The following AUTS2 variants were observed in gnomAD, a reference collection of about 807,000 sequenced individuals.
The protein encoded by AUTS2 is activator of transcription and developmental regulator AUTS2, also known as autism susceptibility gene 2 protein.
A neutral mutation model predicts 112.4 loss-of-function variants in AUTS2; 17 were observed. The observed-to-expected ratio is 0.15, with a 90% CI of 0.10 to 0.23. The LOEUF (loss-of-function observed/expected upper bound fraction) is 0.23. AUTS2 is among the 10% of genes least tolerant of loss of function. AUTS2 has a pLI of 1.00. For synonymous variants in AUTS2, 751 were observed against 702.7 expected, an observed-to-expected ratio of 1.07 and a Z score of -1.09; for missense variants, 1,510 against 1,701.6, an observed-to-expected ratio of 0.89 and a Z score of 1.98.
intron 4 of AUTS2, among the ~76,000 whole-genome samples, chr7:70,349,411 G>A (rs746419790): frequency 6.6e-6 from 1 of 152,170 alleles, no homozygotes; most frequent in Non-Finnish European, 1.5e-5. Context: ...ACATCTTACT[G>A]GATTTGATTA....
At chr7:70,546,764 G>A (rs1357971459) in intron 5 of AUTS2, among the ~76,000 whole-genome samples, 1 of 151,002 alleles carries the variant, frequency 6.6e-6, no homozygotes, top group Non-Finnish European at 1.5e-5. Context: ...GGGCGACAGA[G>A]CGAGACTCTG....
chr7:70,017,751 A>G (rs1800094265), intron 2 of AUTS2, among the ~76,000 whole-genome samples: 1 of 151,832 alleles, frequency 6.6e-6, no homozygotes, highest in Admixed American at 6.6e-5. Context: ...TGTTAGAATT[A>G]AAATCAGAAA....
At chr7:70,147,334 A>C (rs548624746) in intron 4 of AUTS2, among the ~76,000 whole-genome samples, 1 of 152,264 alleles carries the variant, frequency 6.6e-6, no homozygotes, top group Non-Finnish European at 1.5e-5. Flanking sequence ...TCAAAGGTAA[A>C]CCAAAAGAAA....
At chr7:69,891,995 C>T (rs116037085) in intron 1 of AUTS2, among the ~76,000 whole-genome samples, 1,817 of 150,784 alleles carry the variant, frequency 0.012, 35 homozygotes, top group African/African-American at 0.043. Flanking sequence ...GGGTTTCACC[C>T]GTTAGTCAGG....
At chr7:70,716,419 G>A (rs1212042456) in intron 6 of AUTS2, among the ~76,000 whole-genome samples, 1 of 152,032 alleles carries the variant, frequency 6.6e-6, no homozygotes, top group Admixed American at 6.6e-5. Context: ...GGATCACGAG[G>A]TCAGGAGATT....
intron 10 of AUTS2, among the ~76,000 whole-genome samples, chr7:70,770,883 A>C (rs1790293449): frequency 6.6e-6 from 1 of 152,244 alleles, no homozygotes; most frequent in South Asian, 2.1e-4. Context: ...GTGCAACTAG[A>C]ATCCATCTTC....
chr7:69,611,137 C>G (rs1172068513), intron 1 of AUTS2, among the ~76,000 whole-genome samples: 2 of 152,104 alleles, frequency 1.3e-5, no homozygotes, highest in Non-Finnish European at 2.9e-5. Context: ...TTAATTGTAT[C>G]AGATTACTTT....
rs180917224 is a variant in AUTS2, at chr7:70,043,394, C to G, written c.523-74738C>G. 2.7e-4 allele frequency among the ~76,000 whole-genome samples: 41 copies of G among 152,136 alleles called. No homozygotes were observed. The East Asian group carries it at 7.5e-3, about 28-fold the overall frequency. ...TTATGACACAGATTTCATAAGGCTG[C>G]TTCTCCTTTTACAATTATATTTTAT... is the stretch of plus-strand genomic sequence containing the variant. On this transcript the variant is annotated intron_variant, in intron 2 of 18. Coordinates refer to ENST00000342771, the MANE Select transcript of AUTS2 (RefSeq NM_015570.4).
chr7:70,311,904 C>T (rs549356004), intron 4 of AUTS2, among the ~76,000 whole-genome samples: 19 of 152,260 alleles, frequency 1.2e-4, no homozygotes, highest in Middle Eastern at 6.8e-3. Flanking sequence ...TTAGTAGAGA[C>T]GGGGTTTCAC....
intron 2 of AUTS2, among the ~76,000 whole-genome samples, chr7:69,976,699 A>G (rs1798073416): frequency 6.6e-6 from 1 of 152,208 alleles, no homozygotes; most frequent in Non-Finnish European, 1.5e-5. Context: ...TTCTCTAATG[A>G]TTAGTGATGT....
chr7:70,350,562 C>A (rs1050037124), intron 4 of AUTS2, among the ~76,000 whole-genome samples: 9 of 152,064 alleles, frequency 5.9e-5, no homozygotes, highest in Non-Finnish European at 1.0e-4. Context: ...TTCACTATCA[C>A]GAGAGCAGCA....
At chr7:70,713,895 CAAA>C (rs60280924) in intron 6 of AUTS2, among the ~76,000 whole-genome samples, 5 of 143,778 alleles carry the variant, frequency 3.5e-5, no homozygotes, top group East Asian at 2.0e-4. Flanking sequence ...GACTCCGTCT[CAAA>C]AAAAAAAAAA....
At chr7:70,257,528 G>A (rs1786944288) in intron 4 of AUTS2, among the ~76,000 whole-genome samples, 1 of 152,116 alleles carries the variant, frequency 6.6e-6, no homozygotes, top group Non-Finnish European at 1.5e-5. Context: ...ATGTTGGCCA[G>A]GCTGGTCTTG....
At chr7:69,846,451 T>A (rs1373454450) in intron 1 of AUTS2, among the ~76,000 whole-genome samples, 2 of 152,224 alleles carry the variant, frequency 1.3e-5, no homozygotes, top group East Asian at 3.8e-4. Flanking sequence ...ATGCCTGGCA[T>A]TGGGCCCAGA....
chr7:70,383,086 C>T (rs993537476), intron 4 of AUTS2, among the ~76,000 whole-genome samples: 3 of 152,062 alleles, frequency 2.0e-5, no homozygotes, highest in African/African-American at 7.2e-5. Context: ...GAAAACTAAG[C>T]TATAATTTGC....
intron 14 of AUTS2, among the ~76,000 whole-genome samples, chr7:70,780,916 C>T (rs930211597): frequency 6.6e-6 from 1 of 152,156 alleles, no homozygotes; most frequent in African/African-American, 2.4e-5. Flanking sequence ...GCAGATTGTT[C>T]ATGCAGAATT....
intron 2 of AUTS2, among the ~76,000 whole-genome samples, chr7:70,105,214 A>AT (rs534690597): frequency 1.9e-4 from 29 of 151,440 alleles, no homozygotes; most frequent in Non-Finnish European, 2.8e-4. Flanking sequence ...AATTTATAGC[A>AT]TTTTTTTTAA....
chr7:70,727,753 A>T (rs1276816107), intron 6 of AUTS2, among the ~76,000 whole-genome samples: 1 of 152,254 alleles, frequency 6.6e-6, no homozygotes, highest in Non-Finnish European at 1.5e-5. Context: ...TGGTTTTATA[A>T]GACAGGCTGG....
intron 2 of AUTS2, among the ~76,000 whole-genome samples, chr7:69,996,580 T>A (rs549649091): frequency 1.1e-4 from 17 of 152,182 alleles, no homozygotes; most frequent in Non-Finnish European, 2.4e-4. Context: ...CACTGCCCAC[T>A]GCCAGTATTT....
Sources: allele counts gnomAD v4.1 joint callset (sites outside exome capture counted in the v4.1 genomes callset), GRCh38; gene constraint gnomAD v4.1.1; transcripts MANE v1.5; gene names NCBI Gene and HGNC (gene_info 2026-07-23, HGNC 2026-07-21).